The following KCNQ5 variants were observed in gnomAD, a reference collection of about 807,000 sequenced individuals.
The protein encoded by KCNQ5 is potassium voltage-gated channel subfamily Q member 5, also known as potassium voltage-gated channel subfamily KQT member 5.
In KCNQ5, 30 loss-of-function variants were observed where a neutral mutation model predicts 98.2. That is an observed-to-expected ratio of 0.31 (90% CI 0.23 to 0.41). The LOEUF (loss-of-function observed/expected upper bound fraction) is 0.41, where lower values mean the gene tolerates loss of function less well. Among genes scored for constraint, KCNQ5 ranks in the 10% least tolerant of loss-of-function variants. The probability of loss-of-function intolerance (pLI) is 1.00; values close to 1 mark genes in which losing one functional copy is unlikely to be tolerated. For missense variants in KCNQ5, 835 were observed against 1,182.5 expected (o/e 0.71, Z 4.31); for synonymous variants, 458 against 449.4 (o/e 1.02, Z -0.24).
intron 6 of KCNQ5, among the ~76,000 whole-genome samples, chr6:73,107,413 A>T (rs976530601): frequency 1.3e-5 from 2 of 152,242 alleles, no homozygotes; most frequent in Non-Finnish European, 2.9e-5. Context: ...ACTGCAACAG[A>T]AAGAAATGGT....
chr6:72,729,351 A>G (rs1181062994), intron 1 of KCNQ5, among the ~76,000 whole-genome samples: 1 of 152,194 alleles, frequency 6.6e-6, no homozygotes, highest in Non-Finnish European at 1.5e-5. Context: ...GCAGTGGCAC[A>G]ATCTCAGCTC....
At chr6:73,180,482 AT>A (rs1778369669) in intron 11 of KCNQ5, among the ~76,000 whole-genome samples, 1 of 152,190 alleles carries the variant, frequency 6.6e-6, no homozygotes, top group African/African-American at 2.4e-5. Context: ...AGGCACACTA[AT>A]GCCATGTCAA....
chr6:72,751,884 A>G (rs987085262), intron 1 of KCNQ5, among the ~76,000 whole-genome samples: 3 of 152,116 alleles, frequency 2.0e-5, no homozygotes, highest in South Asian at 2.1e-4. Context: ...ATCATCTGTA[A>G]GTAAGTGATT....
In KCNQ5 at chr6:72,622,693, C is replaced by G; in HGVS notation, c.398+106C>G. ...CCTTGGGCCCCCGCGCGCGTGCACACGTGGTGGCTTTTATTTCTTCGCACG... is the reference window on the plus strand; with the variant it reads ...CCTTGGGCCCCCGCGCGCGTGCACAGGTGGTGGCTTTTATTTCTTCGCACG... On this transcript the variant is annotated intron_variant, in intron 1 of 13. Transcript: ENST00000370398. The surrounding 1 kb of genome is among the most constrained non-coding windows in gnomAD (Gnocchi z 6.0). The G allele has an allele frequency of 8.0e-7, 1 of 1,247,076 alleles. No individual in the cohort carries two copies. Among genetic ancestry groups the G allele is most frequent in the Non-Finnish European group, 1.1e-6 (1 of 896,848 alleles). The allele number at this position is 1,247,076 out of a possible 1,614,324, so 77.3% of individuals were successfully genotyped here.
At chr6:73,143,359 A>G (rs942512711) in intron 10 of KCNQ5, 1 of 152,162 alleles carries the variant, frequency 6.6e-6, no homozygotes, top group Non-Finnish European at 1.5e-5. Context: ...GCAATTCTAT[A>G]CTAAGAAATA....
chr6:72,997,179 C>T (rs544060616), intron 1 of KCNQ5, among the ~76,000 whole-genome samples: 1 of 152,138 alleles, frequency 6.6e-6, no homozygotes, highest in Non-Finnish European at 1.5e-5. Flanking sequence ...TAATCCCTGT[C>T]CTCAAAGGGA....
intron 2 of KCNQ5, among the ~76,000 whole-genome samples, chr6:73,029,171 C>T (rs978059845): frequency 2.6e-5 from 4 of 152,072 alleles, no homozygotes; most frequent in Admixed American, 6.5e-5. Context: ...AGAGTGATGG[C>T]TTATGTACAG....
At chr6:72,655,042 T>G (rs1478196512) in intron 1 of KCNQ5, among the ~76,000 whole-genome samples, 15 of 142,612 alleles carry the variant, frequency 1.1e-4, no homozygotes, top group Admixed American at 1.4e-4. Flanking sequence ...CTTTCTTTCT[T>G]TCTTTCTTTC....
chr6:73,063,116 C>T (rs772412376), intron 3 of KCNQ5, among the ~76,000 whole-genome samples: 9 of 152,254 alleles, frequency 5.9e-5, no homozygotes, highest in Admixed American at 3.3e-4. Context: ...GTATTGAACT[C>T]GATTAGGCCA....
At chr6:72,904,517 T>G (rs542782082) in intron 1 of KCNQ5, among the ~76,000 whole-genome samples, 1 of 152,344 alleles carries the variant, frequency 6.6e-6, no homozygotes, top group African/African-American at 2.4e-5. Flanking sequence ...AGGATTTGTT[T>G]CAAGATTTAG....
intron 1 of KCNQ5, among the ~76,000 whole-genome samples, chr6:72,855,538 A>T (rs912334454): frequency 7.9e-5 from 12 of 152,194 alleles, no homozygotes; most frequent in African/African-American, 2.7e-4. Flanking sequence ...CTAGAATACA[A>T]AAATTTTATT....
chr6:72,736,031 T>C (rs1316150823), intron 1 of KCNQ5, among the ~76,000 whole-genome samples: 1 of 151,968 alleles, frequency 6.6e-6, no homozygotes. Flanking sequence ...ATAGTCTTTT[T>C]TAAGAAACAT....
chr6:72,691,504 G>A (rs925393511), intron 1 of KCNQ5, among the ~76,000 whole-genome samples: 3 of 152,160 alleles, frequency 2.0e-5, no homozygotes, highest in South Asian at 2.1e-4. Flanking sequence ...TGGTACTGAC[G>A]CCGAAGACGA....
chr6:72,751,167 A>T (rs1450714212), intron 1 of KCNQ5, among the ~76,000 whole-genome samples: 1 of 152,100 alleles, frequency 6.6e-6, no homozygotes, highest in African/African-American at 2.4e-5. Flanking sequence ...TAGCATTTGA[A>T]TTGGATTTTA....
intron 11 of KCNQ5, among the ~76,000 whole-genome samples, chr6:73,183,092 C>G (rs1447629098): frequency 6.6e-6 from 1 of 152,090 alleles, no homozygotes; most frequent in Non-Finnish European, 1.5e-5. Context: ...ACTAATGTGG[C>G]CTTGGATTCA....
intron 1 of KCNQ5, among the ~76,000 whole-genome samples, chr6:72,703,147 G>A (rs1258428606): frequency 1.3e-5 from 2 of 152,212 alleles, no homozygotes; most frequent in East Asian, 3.8e-4. Flanking sequence ...TACTCCTTGT[G>A]TGCAGAAGTG....
intron 2 of KCNQ5, among the ~76,000 whole-genome samples, chr6:73,011,243 A>T (rs1432434154): frequency 6.6e-6 from 1 of 152,116 alleles, no homozygotes; most frequent in East Asian, 1.9e-4. Context: ...AATACACTGA[A>T]CTATAAAATG....
chr6:72,996,737 A>G (rs1769319663), intron 1 of KCNQ5, among the ~76,000 whole-genome samples: 1 of 152,248 alleles, frequency 6.6e-6, no homozygotes, highest in Non-Finnish European at 1.5e-5. Flanking sequence ...TTAAATGCCA[A>G]TTCTTTTGCT....
intron 2 of KCNQ5, among the ~76,000 whole-genome samples, chr6:73,017,452 CT>C (rs1770396978): frequency 1.5e-5 from 2 of 129,934 alleles, no homozygotes; most frequent in African/African-American, 9.6e-5. Flanking sequence ...TGCTTTGGTA[CT>C]GCACAAAACC....
Sources: gnomAD v4.1 joint callset for allele counts (sites outside exome capture counted in the v4.1 genomes callset) on GRCh38, gnomAD v4.1.1 for gene constraint, Gnocchi (gnomAD v3.1) non-coding constraint, MANE v1.5 for transcripts, NCBI Gene and HGNC (gene_info 2026-07-23, HGNC 2026-07-21) for gene names.